Variants in SULF1 observed in about 807,000 individuals in gnomAD.
SULF1 encodes the protein sulfatase 1, also known as extracellular sulfatase Sulf-1.
In SULF1, 46 loss-of-function variants were observed where a neutral mutation model predicts 110.5. The ratio of observed to expected loss-of-function variants is 0.42; its 90% confidence interval spans 0.33 to 0.53. The LOEUF (loss-of-function observed/expected upper bound fraction) is 0.53. Among genes scored for constraint, SULF1 ranks in the 20% least tolerant of loss-of-function variants. The pLI is 0.12. For missense variants in SULF1, 941 were observed against 1,094.2 expected (o/e 0.86, Z 1.98); for synonymous variants, 371 against 387.1 (o/e 0.96, Z 0.49).
At chr8:69,484,837 T>C (rs559964689) in intron 1 of SULF1, among the ~76,000 whole-genome samples, 1 of 140,854 alleles carries the variant, frequency 7.1e-6, no homozygotes, top group South Asian at 2.1e-4. Flanking sequence ...CTTCTTCTTC[T>C]TCTTCTTCTT....
intron 3 of SULF1, among the ~76,000 whole-genome samples, chr8:69,526,798 AAAGGAAGGAAGGAAGGAAGGAAGG>A (rs5892198): frequency 6.2e-5 from 7 of 112,286 alleles, no homozygotes; most frequent in African/African-American, 1.0e-4. Flanking sequence ...GTCAAGAAAG[AAAGGAAGGAAGGAAGGAAGGAAGG>A]AAGGAAGGAA....
intron 3 of SULF1, among the ~76,000 whole-genome samples, chr8:69,539,829 G>A (rs978829760): frequency 6.6e-6 from 1 of 152,198 alleles, no homozygotes; most frequent in Admixed American, 6.5e-5. Context: ...AAGTGGAGTT[G>A]GTTGGGCAGA....
intron 3 of SULF1, among the ~76,000 whole-genome samples, chr8:69,543,506 G>A (rs1266295672): frequency 6.6e-6 from 1 of 152,280 alleles, no homozygotes; most frequent in East Asian, 1.9e-4. Flanking sequence ...AGTTTGCTGA[G>A]GATAATGGTT....
At chr8:69,544,350 C>T (rs2150676246) in intron 3 of SULF1, among the ~76,000 whole-genome samples, 1 of 152,046 alleles carries the variant, frequency 6.6e-6, no homozygotes, top group South Asian at 2.1e-4. Context: ...CTCACTACAA[C>T]CTCTACCTCC....
At chr8:69,488,646 T>G (rs1335724817), upstream of SULF1, among the ~76,000 whole-genome samples, 1 of 152,150 alleles carries the variant, frequency 6.6e-6, no homozygotes, top group Non-Finnish European at 1.5e-5. Context: ...TTCAGCCTCC[T>G]CTTCACCCTG....
chr8:69,471,419 C>A lies in SULF1; in HGVS notation c.-391+4469C>A, dbSNP rs530408043. Among the ~76,000 whole-genome samples, 15 of 151,578 alleles carry A rather than the reference C, an allele frequency of 9.9e-5. No homozygotes were observed. In the East Asian group the frequency reaches 2.7e-3, roughly 27 times the overall value. On this transcript the variant is annotated intron_variant, in intron 1 of 22. Transcript: ENST00000260128. ...GGAAACGAAAAAAAAAAAAATGAAA[C>A]TCAGTGGGTTTTATTTGGGGGAAAC... is the stretch of plus-strand genomic sequence containing the variant.
At chr8:69,591,563 T>TAA (rs1305544564) in intron 8 of SULF1, among the ~76,000 whole-genome samples, 1 of 143,214 alleles carries the variant, frequency 7.0e-6, no homozygotes, top group Non-Finnish European at 1.5e-5. Flanking sequence ...GACTCTGTCT[T>TAA]AAAAAAAAAA....
intron 3 of SULF1, among the ~76,000 whole-genome samples, chr8:69,555,521 G>T (rs1023845355): frequency 6.6e-6 from 1 of 152,144 alleles, no homozygotes; most frequent in African/African-American, 2.4e-5. Context: ...GCCGGGTGTG[G>T]TGGTGCATAC....
chr8:69,546,280 T>C (rs16936055), intron 3 of SULF1, among the ~76,000 whole-genome samples: 3,710 of 152,328 alleles, frequency 0.024, 159 homozygotes, highest in African/African-American at 0.083. Flanking sequence ...GTTCACAGTA[T>C]GGAGAAAATA....
intron 1 of SULF1, among the ~76,000 whole-genome samples, chr8:69,475,327 A>G (rs1168204261): frequency 2.6e-5 from 4 of 152,012 alleles, no homozygotes; most frequent in Non-Finnish European, 5.9e-5. Context: ...GATTAAGGAA[A>G]AATGAGAGTG....
At chr8:69,604,963 T>A in intron 13 of SULF1, 31 bp downstream of exon 13, 1 of 1,607,002 alleles carries the variant, frequency 6.2e-7, no homozygotes, top group Non-Finnish European at 8.5e-7. Context: ...TTACCACCAC[T>A]CATGTGCTTC....
At chr8:69,586,171 T>A (rs1004735545) in intron 6 of SULF1, among the ~76,000 whole-genome samples, 186 bp from the exon 7 acceptor site, 2 of 152,226 alleles carry the variant, frequency 1.3e-5, no homozygotes, top group African/African-American at 2.4e-5. Flanking sequence ...ATTTATTTTT[T>A]AAAAATGTGT....
chr8:69,603,262 C>T lies in SULF1; in HGVS notation c.1132C>T (p.Pro378Ser), dbSNP rs371818580. 32 of 1,614,038 alleles carry T rather than the reference C, an allele frequency of 2.0e-5. No individual in the cohort carries two copies. The highest frequency in any genetic ancestry group is 2.6e-5 in the Non-Finnish European group (31 of 1,180,034). ...ILDIAGLDTP[P>S]DVDGKSVLKL... The stretch of plus-strand genomic sequence containing the variant: ...GGATATTGCTGGGCTCGACACACCT[C>T]CTGATGTGGACGGCAAGTCTGTCCT... Residue 378 changes from proline to serine, a missense_variant, in exon 11 of 23, where the codon CCT becomes TCT. By Grantham distance (74) the Pro-to-Ser change is moderately conservative. This residue lies in a region of SULF1 where 822 missense variants were observed against 934.3 expected (regional missense o/e 0.88). Coordinates refer to ENST00000402687, the MANE Select transcript of SULF1 (RefSeq NM_001128205.2).
intron 8 of SULF1, among the ~76,000 whole-genome samples, chr8:69,596,160 A>G (rs1807304172): frequency 1.3e-5 from 2 of 152,140 alleles, no homozygotes; most frequent in Admixed American, 1.3e-4. Context: ...GGGAAAAGCT[A>G]AACTTTTATA....
chr8:69,533,133 T>G (rs927924092), intron 3 of SULF1, among the ~76,000 whole-genome samples: 2 of 152,208 alleles, frequency 1.3e-5, no homozygotes, highest in Non-Finnish European at 2.9e-5. Context: ...CGATACCTAT[T>G]ATCCCAGCAA....
At chr8:69,548,022 G>C (rs144158510) in intron 3 of SULF1, among the ~76,000 whole-genome samples, 62 of 152,174 alleles carry the variant, frequency 4.1e-4, no homozygotes, top group African/African-American at 1.3e-3. Flanking sequence ...CAAAAACAGG[G>C]AAACACAAGC....
intron 3 of SULF1, among the ~76,000 whole-genome samples, chr8:69,554,225 A>G (rs1482040398): frequency 1.3e-5 from 2 of 152,206 alleles, no homozygotes; most frequent in Non-Finnish European, 2.9e-5. Flanking sequence ...TGGAAGTGGA[A>G]CACCCCTGGG....
At chr8:69,587,902 G>A (rs1346299308) in intron 7 of SULF1, among the ~76,000 whole-genome samples, 2 of 152,072 alleles carry the variant, frequency 1.3e-5, no homozygotes, top group Non-Finnish European at 2.9e-5. Context: ...TTTTAGTGAG[G>A]AAAAGAATGA....
intron 1 of SULF1, among the ~76,000 whole-genome samples, chr8:69,482,180 A>C (rs1809541820): frequency 6.6e-6 from 1 of 152,206 alleles, no homozygotes; most frequent in Admixed American, 6.5e-5. Flanking sequence ...TGAGGGCATC[A>C]GACTCTTTTG....
Sources: allele counts gnomAD v4.1 joint callset (sites outside exome capture counted in the v4.1 genomes callset), GRCh38; gene constraint gnomAD v4.1.1; regional missense constraint gnomAD v4.1.1; transcripts MANE v1.5; gene names NCBI Gene and HGNC (gene_info 2026-07-23, HGNC 2026-07-21).